The following USP46 variants were observed in gnomAD, a reference collection of about 807,000 sequenced individuals.
USP46 encodes ubiquitin carboxyl-terminal hydrolase 46.
Under a neutral mutation model 44.4 loss-of-function variants are expected in USP46, and 12 were observed. The ratio of observed to expected loss-of-function variants is 0.27; its 90% confidence interval spans 0.17 to 0.44. USP46 has a LOEUF of 0.44. Ranked by LOEUF, USP46 falls within the 20% of genes least tolerant of loss-of-function variation. The pLI is 1.00. For missense variants in USP46, 248 were observed against 444.8 expected, an observed-to-expected ratio of 0.56 and a Z score of 3.98; for synonymous variants, 155 against 161.5, an observed-to-expected ratio of 0.96 and a Z score of 0.31.
At chr4:52,639,711 T>C (rs1718257521) in intron 1 of USP46, among the ~76,000 whole-genome samples, 1 of 152,034 alleles carries the variant, frequency 6.6e-6, no homozygotes, top group African/African-American at 2.4e-5. Flanking sequence ...TGAATTTTTT[T>C]TTTCAGACAG....
chr4:52,605,458 C>T (rs1014672088), intron 5 of USP46, among the ~76,000 whole-genome samples: 6 of 152,148 alleles, frequency 3.9e-5, no homozygotes, highest in African/African-American at 1.2e-4. Flanking sequence ...AATTCTGGGG[C>T]ATTTCCTTGT....
intron 5 of USP46, among the ~76,000 whole-genome samples, chr4:52,605,704 G>A (rs1456110391): frequency 1.3e-5 from 2 of 152,090 alleles, no homozygotes; most frequent in African/African-American, 4.8e-5. Flanking sequence ...ATGAACCACT[G>A]ACAACATGAA....
intron 1 of USP46, among the ~76,000 whole-genome samples, chr4:52,649,575 G>A (rs1391219086): frequency 6.6e-6 from 1 of 152,124 alleles, no homozygotes. Context: ...CAAAATCTCC[G>A]CCCTGCCCCA....
At chr4:52,634,182 C>T (rs1375791831) in intron 1 of USP46, among the ~76,000 whole-genome samples, 6 of 149,912 alleles carry the variant, frequency 4.0e-5, no homozygotes, top group East Asian at 2.1e-4. Flanking sequence ...GGCTTGATCT[C>T]GGCTCACTGC....
At chr4:52,637,682 TACAACC>T (rs531841073) in intron 1 of USP46, among the ~76,000 whole-genome samples, 16 of 152,268 alleles carry the variant, frequency 1.1e-4, no homozygotes, top group African/African-American at 3.6e-4. Context: ...TCATCTGAAT[TACAACC>T]ACATCCTGAA....
At position 52,593,101 on chromosome 4, in the gene USP46, T is replaced by G. The variant is rs1212514336; in HGVS notation, c.*4539A>C. On this transcript the variant is annotated 3_prime_UTR_variant, in exon 9 of 9. Coordinates refer to ENST00000441222, the MANE Select transcript of USP46 (RefSeq NM_022832.4). ...CAACGACTTAGTAAGTATTTTTATCTTCATGTAAATATAAGGGAATGGAAA... is the reference window on the plus strand; with the variant it reads ...CAACGACTTAGTAAGTATTTTTATCGTCATGTAAATATAAGGGAATGGAAA... 1 of 396,286 alleles carries G rather than the reference T, an allele frequency of 2.5e-6. No individual in the cohort carries two copies. Among genetic ancestry groups the G allele is most frequent in the African/African-American group, 2.1e-5 (1 of 48,606 alleles). 24.5% of individuals were successfully genotyped at this position (396,286 alleles called of 1,614,324 possible). A position where few individuals can be genotyped will look rare whatever the true frequency, so the allele number is the denominator to read the frequency against.
At chr4:52,625,987 C>G in intron 4 of USP46, 31 bp downstream of exon 4, 1 of 1,576,292 alleles carries the variant, frequency 6.3e-7, no homozygotes, top group Non-Finnish European at 8.7e-7. Flanking sequence ...TATGAACATG[C>G]GAGCTACATA....
chr4:52,609,670 G>A (rs755897171), intron 5 of USP46, among the ~76,000 whole-genome samples: 3 of 151,988 alleles, frequency 2.0e-5, no homozygotes, highest in Non-Finnish European at 4.4e-5. Context: ...GATTAGGTGT[G>A]ATGTAAAACA....
At chr4:52,619,311 A>AG (rs538213988) in intron 4 of USP46, among the ~76,000 whole-genome samples, 17 of 152,212 alleles carry the variant, frequency 1.1e-4, no homozygotes, top group African/African-American at 3.9e-4. Flanking sequence ...AAAAAAAAAA[A>AG]AAAGAAAAAG....
intron 3 of USP46, among the ~76,000 whole-genome samples, chr4:52,626,603 G>A (rs1717596548): frequency 6.6e-6 from 1 of 152,116 alleles, no homozygotes; most frequent in African/African-American, 2.4e-5. Context: ...GATTACAGAC[G>A]TGAGCCACCG....
intron 1 of USP46, among the ~76,000 whole-genome samples, chr4:52,633,022 G>GAA (rs1198477977): frequency 2.0e-5 from 3 of 146,430 alleles, no homozygotes; most frequent in African/African-American, 7.7e-5. Flanking sequence ...AAGAAAGAAA[G>GAA]AAAGAAAAAG....
chr4:52,614,190 G>A (rs1356551552), intron 4 of USP46, among the ~76,000 whole-genome samples: 2 of 152,154 alleles, frequency 1.3e-5, no homozygotes, highest in African/African-American at 4.8e-5. Context: ...GAATCTTTTA[G>A]CTAATACTGT....
Position 52,594,245 on chromosome 4 carries a change from C to A in USP46, c.*3395G>T, listed in dbSNP as rs750400021. 4.6e-5 allele frequency: 7 copies of A among 152,098 alleles called. No homozygotes were observed. The highest frequency in any genetic ancestry group is 7.4e-5 in the Non-Finnish European group (5 of 68,012). The allele number at this position is 152,098 out of a possible 1,614,324, so 9.4% of individuals were successfully genotyped here. ...CAGGGTGTTAAACTGATTAAAATTT[C>A]ACAAGATTGACATTATTGCTTAAAG... On this transcript the variant is annotated 3_prime_UTR_variant, in exon 9 of 9. Transcript: ENST00000441222.
Position 52,634,465 on chromosome 4 carries a change from C to T in USP46, c.37-3321G>A, listed in dbSNP as rs186275181. Among the ~76,000 whole-genome samples the T allele has an allele frequency of 1.1e-3, 157 of 144,208 alleles. 4 individuals are homozygous for T. In the East Asian group the frequency reaches 0.028, roughly 25 times the overall value. The allele number at this position is 144,208 out of a possible 152,430, so 94.6% of individuals were successfully genotyped here. A position where few individuals can be genotyped will look rare whatever the true frequency, so the allele number is the denominator to read the frequency against. On this transcript the variant is annotated intron_variant, in intron 1 of 8. Coordinates refer to ENST00000441222, the MANE Select transcript of USP46 (RefSeq NM_022832.4). Reference sequence around the variant, plus strand: ...CGGAGGTTGCAGTGAGCTGAGATCACGCCATTGCACTCCAGCCTGGGCGAC... The same window carrying T: ...CGGAGGTTGCAGTGAGCTGAGATCATGCCATTGCACTCCAGCCTGGGCGAC...
intron 6 of USP46, 88 bp from the exon 7 acceptor site, chr4:52,602,142 G>A (rs1716496113): frequency 7.0e-7 from 1 of 1,431,112 alleles, no homozygotes; most frequent in Non-Finnish European, 9.5e-7. Flanking sequence ...CAGAATAGTA[G>A]GAGGTTCTAT....
intron 1 of USP46, among the ~76,000 whole-genome samples, chr4:52,638,709 G>T (rs2109650882): frequency 6.6e-6 from 1 of 151,182 alleles, no homozygotes; most frequent in Non-Finnish European, 1.5e-5. Flanking sequence ...TGTCTGACCT[G>T]CCCAATACTG....
rs1716049315 is a variant in USP46, at chr4:52,592,272, C to A, written c.*5368G>T. The A allele has an allele frequency of 6.6e-6, 1 of 152,152 alleles. No homozygotes were observed. Among genetic ancestry groups the A allele is most frequent in the South Asian group, 2.1e-4 (1 of 4,822 alleles). 9.4% of individuals were successfully genotyped at this position (152,152 alleles called of 1,614,324 possible). A position where few individuals can be genotyped will look rare whatever the true frequency, so the allele number is the denominator to read the frequency against. ...ACAATGCCTAGAATGCAATAGGTGC[C>A]AAATAAATGCCTAATTAAAAATCTC... On this transcript the variant is annotated 3_prime_UTR_variant, in exon 9 of 9. Transcript: ENST00000441222.
chr4:52,653,495 CAAAAAAAAAAAAA>C (rs397880678), intron 1 of USP46, among the ~76,000 whole-genome samples: 2 of 53,020 alleles, frequency 3.8e-5, no homozygotes, highest in African/African-American at 1.4e-4. Flanking sequence ...AACTCTATCT[CAAAAAAAAAAAAA>C]AAAAAAAAAA....
intron 1 of USP46, among the ~76,000 whole-genome samples, chr4:52,632,990 A>AAAGAAAAGAAAAGAAAGAAAGAAAG: frequency 2.6e-4 from 17 of 66,272 alleles, no homozygotes; most frequent in Admixed American, 3.2e-4. Context: ...GAAAGAAAAG[A>AAAGAAAAGAAAAGAAAGAAAGAAAG]AAAGAAAGAA....
Sources: gnomAD v4.1 joint callset for allele counts (sites outside exome capture counted in the v4.1 genomes callset) on GRCh38, gnomAD v4.1.1 for gene constraint, MANE v1.5 for transcripts, NCBI Gene and HGNC (gene_info 2026-07-23, HGNC 2026-07-21) for gene names.